Variants in OR7C1 observed in about 807,000 individuals in gnomAD.
OR7C1 encodes the protein olfactory receptor 7C1.
For missense variants in OR7C1, 324 were observed against 383.3 expected (o/e 0.85, Z 1.29); for synonymous variants, 152 against 160.7 (o/e 0.95, Z 0.41).
chr19:14,823,996 A>G (rs954755800), intron 1 of OR7C1, among the ~76,000 whole-genome samples: 1 of 152,030 alleles, frequency 6.6e-6, no homozygotes, highest in African/African-American at 2.4e-5. Context: ...CCATTGGTCA[A>G]TGTGCCCCAA....
chr19:14,800,214 A>T (rs2044634878), intron 4 of OR7C1, 42 bp downstream of exon 4: 20 of 1,450,918 alleles, frequency 1.4e-5, no homozygotes, highest in Non-Finnish European at 1.8e-5. Flanking sequence ...AAATTTGGTT[A>T]CATTTAATTT....
At chr19:14,806,478 C>T (rs905316242) in intron 2 of OR7C1, among the ~76,000 whole-genome samples, 4 of 151,932 alleles carry the variant, frequency 2.6e-5, no homozygotes, top group African/African-American at 9.7e-5. Context: ...CCTGTCAACC[C>T]ATCACCTAGG....
exon 4 of OR7C1, chr19:14,800,286 T>C: frequency 2.3e-6 from 2 of 856,526 alleles, no homozygotes; most frequent in Non-Finnish European, 3.5e-6. Context: ...CTGGGGCATC[T>C]GAAATTCTTC....
chr19:14,830,218 C>T (rs1263182164), intron 1 of OR7C1, among the ~76,000 whole-genome samples: 1 of 152,130 alleles, frequency 6.6e-6, no homozygotes, highest in Non-Finnish European at 1.5e-5. Flanking sequence ...AGAATTGGTA[C>T]AAGAAATTCC....
chr19:14,815,616 G>T (rs902422062), intron 1 of OR7C1, among the ~76,000 whole-genome samples: 1 of 152,124 alleles, frequency 6.6e-6, no homozygotes, highest in Non-Finnish European at 1.5e-5. Flanking sequence ...TTTATAAATT[G>T]TGGGGGGTTT....
chr19:14,805,421 T>A (rs1368991582), intron 2 of OR7C1, among the ~76,000 whole-genome samples: 3 of 145,160 alleles, frequency 2.1e-5, no homozygotes, highest in African/African-American at 7.8e-5. Context: ...TTTTTTTTTT[T>A]TTTTTTTTTT....
rs749401408 is a variant in OR7C1, at chr19:14,799,358, A to C, written c.779T>G (p.Leu260Arg). 3 of 1,614,198 alleles carry C rather than the reference A, an allele frequency of 1.9e-6. No individual in the cohort carries two copies. In the South Asian group the frequency reaches 3.3e-5, roughly 18 times the overall value. ...AGAAGATGGTGTGGCTGCAGAACTG[A>C]GATAGACCCCAAAGCCCGTGCCATA... is the stretch of plus-strand genomic sequence containing the variant. Residue 260 changes from leucine to arginine, a missense_variant, in exon 5 of 5, where the codon CTC (leucine) becomes CGC (arginine). Physicochemically the swap from Leu to Arg is moderately radical, Grantham distance 102 (BLOSUM62 -2). Transcript: ENST00000641666.
chr19:14,818,529 C>A (rs1338801164), intron 1 of OR7C1, among the ~76,000 whole-genome samples: 17 of 152,168 alleles, frequency 1.1e-4, no homozygotes, highest in Admixed American at 1.1e-3. Context: ...GAGGCTTAAT[C>A]GATTAGTGGG....
At chr19:14,827,851 G>A in intron 1 of OR7C1, 1 of 1,614,186 alleles carries the variant, frequency 6.2e-7, no homozygotes, top group African/African-American at 1.3e-5. Flanking sequence ...ACCATGTAGT[G>A]CAGGGGGTGA....
chr19:14,833,995 C>CCGGGTACTCTAATTTTGGTG (rs1555696582), intron 1 of OR7C1, among the ~76,000 whole-genome samples: 1 of 152,126 alleles, frequency 6.6e-6, no homozygotes, highest in Non-Finnish European at 1.5e-5. Flanking sequence ...CGTGGTGGCA[C>CCGGGTACTCTAATTTTGGTG]ACGTCTGCAA....
intron 2 of OR7C1, among the ~76,000 whole-genome samples, chr19:14,808,872 G>T (rs868443077): frequency 2.0e-5 from 3 of 151,952 alleles, no homozygotes; most frequent in African/African-American, 4.8e-5. Context: ...CCCAATTTGG[G>T]CTACTATGTA....
chr19:14,813,478 C>A (rs2044701086), intron 1 of OR7C1, among the ~76,000 whole-genome samples: 1 of 152,084 alleles, frequency 6.6e-6, no homozygotes, highest in Non-Finnish European at 1.5e-5. Context: ...TGGCATGAAC[C>A]CAGGAGGTGG....
chr19:14,833,805 C>T (rs1403926853), intron 1 of OR7C1, among the ~76,000 whole-genome samples: 1 of 139,298 alleles, frequency 7.2e-6, no homozygotes, highest in Admixed American at 7.3e-5. Flanking sequence ...AGAAATCTCA[C>T]GTCCATCAGC....
intron 2 of OR7C1, among the ~76,000 whole-genome samples, chr19:14,806,786 G>A (rs748176589): frequency 5.3e-5 from 8 of 152,014 alleles, no homozygotes; most frequent in Middle Eastern, 6.8e-3. Flanking sequence ...GTCTATCATC[G>A]ATGGGCATTT....
intron 1 of OR7C1, among the ~76,000 whole-genome samples, chr19:14,815,813 G>C (rs1329993497): frequency 6.6e-6 from 1 of 151,266 alleles, no homozygotes; most frequent in African/African-American, 2.4e-5. Flanking sequence ...GTGTGTGTGT[G>C]TGTCTGTGTC....
intron 1 of OR7C1, among the ~76,000 whole-genome samples, chr19:14,828,909 AG>A (rs2044803438): frequency 6.6e-6 from 1 of 152,104 alleles, no homozygotes; most frequent in Non-Finnish European, 1.5e-5. Context: ...CTAATGATGA[AG>A]AAAGAATATA....
In OR7C1 at chr19:14,806,118, G is replaced by A. The variant is rs138994805; in HGVS notation, c.-435+3688C>T. Among the ~76,000 whole-genome samples the A allele has an allele frequency of 1.5e-3, 221 of 151,984 alleles. 3 individuals carry two copies. Among genetic ancestry groups the A allele is most frequent in the African/African-American group, 5.2e-3 (213 of 41,316 alleles). ...GAGATGTGCTTTAACTCAAGACAAG[G>A]TTTACTGCTATTTTTTTCAGGGCTC... On this transcript the variant is annotated intron_variant, in intron 2 of 4. Coordinates refer to ENST00000641666, the Ensembl canonical transcript of OR7C1.
At chr19:14,827,504 T>C in intron 1 of OR7C1, 6 of 1,614,048 alleles carry the variant, frequency 3.7e-6, no homozygotes, top group Non-Finnish European at 5.1e-6. Flanking sequence ...AGGAGACAAC[T>C]GAGAGGTGAG....
At chr19:14,806,434 C>T (rs2044666913) in intron 2 of OR7C1, among the ~76,000 whole-genome samples, 1 of 151,930 alleles carries the variant, frequency 6.6e-6, no homozygotes, top group South Asian at 2.1e-4. Flanking sequence ...AGATTTGTTA[C>T]ACAGGTAAAT....
Sources: gnomAD v4.1 joint callset for allele counts (sites outside exome capture counted in the v4.1 genomes callset) on GRCh38, gnomAD v4.1.1 for gene constraint, MANE v1.5 for transcripts, NCBI Gene and HGNC (gene_info 2026-07-23, HGNC 2026-07-21) for gene names.